The following GART variants were observed in gnomAD, a reference collection of about 807,000 sequenced individuals.
GART encodes the protein phosphoribosylglycinamide formyltransferase, phosphoribosylglycinamide synthetase, phosphoribosylaminoimidazole synthetase.
Under a neutral mutation model 107.2 loss-of-function variants are expected in GART, and 43 were observed. The ratio of observed to expected loss-of-function variants is 0.40; its 90% CI spans 0.31 to 0.52. GART has a LOEUF of 0.52. GART is among the 20% of genes least tolerant of loss of function. GART has a pLI of 0.52. For missense variants in GART, 1,107 were observed against 1,206.5 expected, an observed-to-expected ratio of 0.92 and a Z score of 1.22; for synonymous variants, 434 against 427.0, an observed-to-expected ratio of 1.02 and a Z score of -0.20.
rs532986991 is a variant in GART at position 33,524,782 on chromosome 21, G to A, written c.1285C>T (p.Leu429Phe). Residue 429 changes from leucine (L) to phenylalanine (F), a missense_variant, in exon 11 of 22, where the codon CTC (leucine) becomes TTC (phenylalanine). Transcript: ENST00000381815. ...TTAGAGTTTTACCTGGGCTGCTGGA[G>A]GAAAGCTATGGCACGAAAGCCGACG... The part of the protein sequence containing the change: ...KDVGFRAIAF[L>F]QQPRSLTYKE... 6.2e-7 allele frequency: 1 copy of A among 1,614,218 alleles called. No individual in the cohort carries two copies. Among genetic ancestry groups the A allele is most frequent in the South Asian group, 1.1e-5 (1 of 91,088 alleles).
At chr21:33,504,592 C>CCCAG in intron 20 of GART, 65 bp from the exon 21 acceptor site, 1 of 1,163,896 alleles carries the variant, frequency 8.6e-7, no homozygotes, top group Non-Finnish European at 1.3e-6. Context: ...TAAAGGAATA[C>CCCAG]GTTTTCCTAT....
intron 14 of GART, chr21:33,518,747 T>G: frequency 2.2e-6 from 1 of 453,244 alleles, no homozygotes. Flanking sequence ...ATCCCCTCCA[T>G]TAGCAAGCAG....
rs755704506 is a variant in GART at position 33,534,679 on chromosome 21, T to G, written c.316A>C (p.Ser106Arg). 1 of 1,613,798 alleles carries G rather than the reference T, an allele frequency of 6.2e-7. No individual in the cohort carries two copies. Among genetic ancestry groups the G allele is most frequent in the South Asian group, 1.1e-5 (1 of 91,052 alleles). Residue 106 changes from serine to arginine, a missense_variant, in exon 4 of 22, where the codon AGC becomes CGC. By Grantham distance (110) the Ser-to-Arg change is moderately radical. Transcript: ENST00000381815. ...PTAEAAQLESSKRFAKEFMDR... is the reference protein window; with the variant it reads ...PTAEAAQLESRKRFAKEFMDR... ...ATAAACTCTTTGGCAAACCTTTTGC[T>G]GGACTCTAACTGAGCCGCTTCTGCT...
At chr21:33,522,357 G>T in intron 11 of GART, 75 bp from the exon 12 acceptor site, 4 of 1,149,646 alleles carry the variant, frequency 3.5e-6, no homozygotes, top group Non-Finnish European at 5.1e-6. Context: ...ATTTAAAGCA[G>T]AAGATATCCC....
intron 16 of GART, among the ~76,000 whole-genome samples, chr21:33,515,058 T>C (rs1386679541): frequency 6.6e-6 from 1 of 152,214 alleles, no homozygotes; most frequent in Admixed American, 6.5e-5. Flanking sequence ...ATCTATTTTT[T>C]TTCTGTTCTT....
chr21:33,511,182 G>A, intron 17 of GART, 70 bp downstream of exon 17: 3 of 1,521,832 alleles, frequency 2.0e-6, no homozygotes, highest in Non-Finnish European at 1.8e-6. Flanking sequence ...AGCTTGTGAG[G>A]CAAGGCTGAG....
chr21:33,525,727 G>A (rs2085060921), intron 10 of GART, among the ~76,000 whole-genome samples: 1 of 152,056 alleles, frequency 6.6e-6, no homozygotes, highest in African/African-American at 2.4e-5. Flanking sequence ...TTTCTCCTAA[G>A]AACTGTCTGC....
chr21:33,521,130 C>A, intron 12 of GART, 115 bp from the exon 13 acceptor site: 1 of 723,774 alleles, frequency 1.4e-6, no homozygotes. Context: ...AGATGTACTT[C>A]TGGAAGAAAT....
intron 16 of GART, among the ~76,000 whole-genome samples, chr21:33,516,055 C>G (rs2084872040): frequency 1.3e-5 from 2 of 151,736 alleles, no homozygotes; most frequent in African/African-American, 4.8e-5. Flanking sequence ...CGAAACCAGC[C>G]TGGCCAACAA....
rs1307083714 is a variant in GART at position 33,504,271 on chromosome 21, G to A, written c.2886C>T (p.Pro962=). The change falls in exon 22 of 22, where the codon CCC becomes CCT. Residue 962 remains proline (P), a synonymous_variant. Transcript: ENST00000381815. ...TTGCGACAGTATCACCCCTCTTCAC[G>A]GGAACAGCTTCTTGCAAAATAATCT... ...AGQIILQEAV[P]VKRGDTVATL... 8.1e-6 allele frequency: 13 copies of A among 1,614,078 alleles called. 1 individual carries two copies. The highest frequency in any genetic ancestry group is 4.4e-5 in the South Asian group (4 of 91,066).
chr21:33,528,146 C>T, intron 10 of GART, 21 bp downstream of exon 10: 2 of 1,611,204 alleles, frequency 1.2e-6, no homozygotes, highest in Non-Finnish European at 1.7e-6. Flanking sequence ...GTACTCCAAC[C>T]TCTTGCTCCC....
chr21:33,531,777 C>G (rs2085196069), intron 5 of GART: 1 of 492,666 alleles, frequency 2.0e-6, no homozygotes, highest in Non-Finnish European at 3.6e-6. Flanking sequence ...GGAATAAACA[C>G]ACCTCTAATA....
intron 17 of GART, among the ~76,000 whole-genome samples, chr21:33,510,762 A>AT (rs368739279): frequency 1.1e-3 from 161 of 150,312 alleles, no homozygotes; most frequent in Middle Eastern, 6.9e-3. Context: ...AAGGTCTGAC[A>AT]TTTTTTTTTT....
Position 33,534,773 on chromosome 21 carries a change from C to G in GART, c.242-20G>C. ...CAATCCCTATTGATGAAAACAGTAGCCTTAGGTGAACCAAGGTCTCCCCAG... is the reference window on the plus strand; with the variant it reads ...CAATCCCTATTGATGAAAACAGTAGGCTTAGGTGAACCAAGGTCTCCCCAG... On this transcript the variant is annotated intron_variant, in intron 3 of 21. Transcript: ENST00000381815. 6.5e-7 allele frequency: 1 copy of G among 1,536,514 alleles called. No homozygotes were observed. Among genetic ancestry groups the G allele is most frequent in the East Asian group, 2.3e-5 (1 of 43,226 alleles).
At position 33,510,040 on chromosome 21, in the gene GART, C is replaced by T. The variant is rs2084756968; in HGVS notation, c.2315-120G>A. 4 of 878,970 alleles carry T rather than the reference C, an allele frequency of 4.6e-6. No individual in the cohort carries two copies. In the East Asian group the frequency reaches 1.1e-4, roughly 23 times the overall value. 54.4% of individuals were successfully genotyped at this position (878,970 alleles called of 1,614,324 possible). A position where few individuals can be genotyped will look rare whatever the true frequency, so the allele number is the denominator to read the frequency against. ...GTTTTATCCTGAAAATAAGATAATGCAAGGACTAAAATGAACAACACATTT... is the reference window on the plus strand; with the variant it reads ...GTTTTATCCTGAAAATAAGATAATGTAAGGACTAAAATGAACAACACATTT... On this transcript the variant is annotated intron_variant, in intron 17 of 21. Coordinates refer to ENST00000381815, the MANE Select transcript of GART (RefSeq NM_000819.5).
At chr21:33,542,798 CG>C, upstream of GART, 1 of 471,068 alleles carries the variant, frequency 2.1e-6, no homozygotes, top group South Asian at 2.5e-5. Flanking sequence ...TATGCGGACA[CG>C]GTCGCCTCAA....
In GART at chr21:33,539,243, G is replaced by A. The variant is rs1303746873; in HGVS notation, c.73C>T (p.His25Tyr). Residue 25 changes from histidine (H) to tyrosine (Y), a missense_variant, in exon 2 of 22, where the codon CAT becomes TAT. Coordinates refer to ENST00000381815, the MANE Select transcript of GART (RefSeq NM_000819.5). ...GCAACCAACACTTGTTTGACATGAT[G>A]AGACTGTGCAAGTTTCCAGGCCAGC... ...HTLAWKLAQS[H>Y]HVKQVLVAPG... 19 of 1,614,182 alleles carry A rather than the reference G, an allele frequency of 1.2e-5. No individual in the cohort carries two copies. Among genetic ancestry groups the A allele is most frequent in the Non-Finnish European group, 1.6e-5 (19 of 1,179,992 alleles).
At chr21:33,512,440 C>T (rs1172287157) in intron 16 of GART, among the ~76,000 whole-genome samples, 5 of 151,604 alleles carry the variant, frequency 3.3e-5, no homozygotes, top group South Asian at 2.1e-4. Context: ...TTGGAATCTA[C>T]GATTATGGGA....
intron 16 of GART, among the ~76,000 whole-genome samples, chr21:33,512,213 G>A (rs897411925): frequency 2.0e-5 from 3 of 149,110 alleles, no homozygotes; most frequent in Non-Finnish European, 4.4e-5. Context: ...AAACCTGGGA[G>A]GTGGAGGTTG....
Sources: gnomAD v4.1 joint callset for allele counts (sites outside exome capture counted in the v4.1 genomes callset) on GRCh38, gnomAD v4.1.1 for gene constraint, MANE v1.5 for transcripts, NCBI Gene and HGNC (gene_info 2026-07-23, HGNC 2026-07-21) for gene names.